Variants in PAPPA2 observed in about 807,000 individuals in gnomAD.
The protein encoded by PAPPA2 is pappalysin 2.
PAPPA2 carries 86 observed loss-of-function variants against 176.4 expected under a neutral mutation model. That is an observed-to-expected ratio of 0.49 (90% CI 0.41 to 0.58). The LOEUF is 0.58. Among genes scored for constraint, PAPPA2 ranks in the 20% least tolerant of loss-of-function variants. The pLI is 0.00. For synonymous variants in PAPPA2, 809 were observed against 852.2 expected, an observed-to-expected ratio of 0.95 and a Z score of 0.88; for missense variants, 2,073 against 2,256.9, an observed-to-expected ratio of 0.92 and a Z score of 1.65.
intron 2 of PAPPA2, among the ~76,000 whole-genome samples, chr1:176,562,137 C>T (rs1470865581): frequency 6.6e-6 from 1 of 152,202 alleles, no homozygotes; most frequent in Non-Finnish European, 1.5e-5. Flanking sequence ...CAAGACCCTT[C>T]ACGATTTCTT....
At chr1:176,563,577 GC>G (rs1345521062) in intron 2 of PAPPA2, among the ~76,000 whole-genome samples, 1 of 152,030 alleles carries the variant, frequency 6.6e-6, no homozygotes, top group Non-Finnish European at 1.5e-5. Flanking sequence ...TGCAAAAGAG[GC>G]CTTCTGACCC....
intron 20 of PAPPA2, among the ~76,000 whole-genome samples, chr1:176,795,162 G>A (rs749991349): frequency 1.3e-5 from 2 of 152,130 alleles, no homozygotes; most frequent in African/African-American, 2.4e-5. Flanking sequence ...ACTTTCACTA[G>A]AGGCACTTTT....
chr1:176,679,001 G>A (rs1659449287), intron 4 of PAPPA2, among the ~76,000 whole-genome samples: 1 of 151,956 alleles, frequency 6.6e-6, no homozygotes, highest in South Asian at 2.1e-4. Context: ...AAATTATTAG[G>A]TAAGAGTTGG....
intron 14 of PAPPA2, among the ~76,000 whole-genome samples, chr1:176,764,908 T>C (rs979747144): frequency 6.6e-6 from 1 of 152,214 alleles, no homozygotes; most frequent in Non-Finnish European, 1.5e-5. Context: ...CTCCAGTGTA[T>C]TCTTGCTGCT....
In PAPPA2 at chr1:176,595,524, C is replaced by A; in HGVS notation, c.1920C>A (p.Asp640Glu). The change falls in exon 3 of 23, where the codon GAC becomes GAA. Residue 640 changes from aspartate to glutamate, a missense_variant. By Grantham distance (45) the Asp-to-Glu change is conservative. This residue lies in a region of PAPPA2 where 1,196 missense variants were observed against 1,330.4 expected (regional missense o/e 0.90). Coordinates refer to ENST00000367662, the MANE Select transcript of PAPPA2 (RefSeq NM_020318.3). ...VECNNMLNDFDDGDCCDPQVA... is the reference protein window; with the variant it reads ...VECNNMLNDFEDGDCCDPQVA... The stretch of plus-strand genomic sequence containing the variant: ...GTAACAACATGCTGAACGACTTTGA[C>A]GACGGAGACTGCTGCGACCCCCAGG... 6.2e-7 allele frequency: 1 copy of A among 1,614,122 alleles called. No homozygotes were observed. The highest frequency in any genetic ancestry group is 8.5e-7 in the Non-Finnish European group (1 of 1,180,026).
rs1327175072 is a variant in PAPPA2, at chr1:176,594,742, G to A, written c.1138G>A (p.Val380Met). 4.3e-6 allele frequency: 7 copies of A among 1,614,248 alleles called. No individual in the cohort carries two copies. The highest frequency in any genetic ancestry group is 5.9e-6 in the Non-Finnish European group (7 of 1,180,046). Residue 380 changes from valine (V) to methionine (M), a missense_variant, in exon 3 of 23, where the codon GTG becomes ATG. Physicochemically the swap from Val to Met is conservative, Grantham distance 21. Around this residue, in one of 4 missense-constraint regions of PAPPA2, gnomAD observed 1,196 missense variants for 1,330.4 expected, o/e 0.90. Coordinates refer to ENST00000367662, the MANE Select transcript of PAPPA2 (RefSeq NM_020318.3). ...CGATGGACGGCACATGGCCCTGTAT[G>A]TGGATGGCACTCAGGTGGCTAGCAG... ...TYDGRHMALY[V>M]DGTQVASSLD...
intron 1 of PAPPA2, among the ~76,000 whole-genome samples, chr1:176,522,815 T>A (rs1278557438): frequency 6.6e-6 from 1 of 152,034 alleles, no homozygotes; most frequent in Non-Finnish European, 1.5e-5. Flanking sequence ...AGGGAAGAGT[T>A]TCTGCAACTT....
intron 1 of PAPPA2, among the ~76,000 whole-genome samples, chr1:176,508,668 G>A (rs1029774252): frequency 3.3e-5 from 5 of 152,110 alleles, no homozygotes; most frequent in African/African-American, 1.2e-4. Context: ...ATATCAAATT[G>A]TCATCCTCAC....
chr1:176,726,027 G>A (rs554079666), intron 12 of PAPPA2, among the ~76,000 whole-genome samples: 3 of 152,256 alleles, frequency 2.0e-5, no homozygotes, highest in Admixed American at 6.5e-5. Flanking sequence ...TGATCCGCCC[G>A]CCTCGGCCTC....
intron 2 of PAPPA2, among the ~76,000 whole-genome samples, chr1:176,562,211 T>G (rs921841435): frequency 3.9e-5 from 6 of 151,986 alleles, no homozygotes; most frequent in South Asian, 2.1e-4. Context: ...TTGGTAAGTG[T>G]TGTTGTTGTT....
At position 176,594,761 on chromosome 1, in the gene PAPPA2, C is replaced by T; in HGVS notation, c.1157C>T (p.Ala386Val). Reference protein sequence around the residue: ...MALYVDGTQVASSLDQSGPLN... With the variant: ...MALYVDGTQVVSSLDQSGPLN... ...CTGTATGTGGATGGCACTCAGGTGG[C>T]TAGCAGTCTAGACCAGTCTGGTCCC... Residue 386 changes from alanine to valine, a missense_variant, in exon 3 of 23, where the codon GCT becomes GTT. Ala to Val is a moderately conservative substitution (Grantham distance 64, BLOSUM62 0). Transcript: ENST00000367662. 6.2e-7 allele frequency: 1 copy of T among 1,614,234 alleles called. No homozygotes were observed. Among genetic ancestry groups the T allele is most frequent in the Non-Finnish European group, 8.5e-7 (1 of 1,180,042 alleles).
intron 3 of PAPPA2, among the ~76,000 whole-genome samples, chr1:176,623,618 C>A (rs904759450): frequency 0.038 from 2,851 of 74,090 alleles, 66 homozygotes; most frequent in East Asian, 0.095. Context: ...TTCCTTCCTT[C>A]CTTCCTTTTT....
chr1:176,675,522 G>C (rs1268345348), intron 4 of PAPPA2, among the ~76,000 whole-genome samples: 5 of 152,000 alleles, frequency 3.3e-5, no homozygotes, highest in Admixed American at 2.6e-4. Flanking sequence ...GAAATGAATA[G>C]ATGGGTTTAT....
intron 2 of PAPPA2, among the ~76,000 whole-genome samples, chr1:176,583,381 T>C (rs985165312): frequency 1.3e-5 from 2 of 152,158 alleles, no homozygotes; most frequent in African/African-American, 4.8e-5. Flanking sequence ...GTCTCAATAC[T>C]GCTTTGGCTG....
chr1:176,799,009 A>G (rs1224558967), intron 20 of PAPPA2, among the ~76,000 whole-genome samples: 1 of 152,334 alleles, frequency 6.6e-6, no homozygotes, highest in South Asian at 2.1e-4. Context: ...GAATGTCTCC[A>G]ATCTAATGAT....
chr1:176,714,243 G>T (rs573172559), intron 12 of PAPPA2, among the ~76,000 whole-genome samples: 1 of 152,228 alleles, frequency 6.6e-6, no homozygotes, highest in African/African-American at 2.4e-5. Flanking sequence ...TCTAATTCAA[G>T]CCTGATGAGA....
At chr1:176,735,323 G>A (rs749404503) in intron 12 of PAPPA2, among the ~76,000 whole-genome samples, 2 of 152,128 alleles carry the variant, frequency 1.3e-5, no homozygotes, top group Non-Finnish European at 2.9e-5. Flanking sequence ...TGCCATAGAT[G>A]AGTGAAAATG....
chr1:176,561,931 A>G (rs1174944302), intron 2 of PAPPA2, among the ~76,000 whole-genome samples: 2 of 152,218 alleles, frequency 1.3e-5, no homozygotes, highest in African/African-American at 4.8e-5. Context: ...GTGGCAGGCA[A>G]GACAGCGTGC....
chr1:176,591,064 A>G (rs954916319), intron 2 of PAPPA2, among the ~76,000 whole-genome samples: 5 of 148,540 alleles, frequency 3.4e-5, no homozygotes, highest in African/African-American at 1.0e-4. Context: ...GCTAAGTAAA[A>G]GTAAATATAG....
Sources: allele counts gnomAD v4.1 joint callset (sites outside exome capture counted in the v4.1 genomes callset), GRCh38; gene constraint gnomAD v4.1.1; regional missense constraint gnomAD v4.1.1; transcripts MANE v1.5; gene names NCBI Gene and HGNC (gene_info 2026-07-23, HGNC 2026-07-21).